SREK1: variants seen among roughly 807,000 people sequenced by gnomAD.
The protein encoded by SREK1 is splicing regulatory glutamic acid and lysine rich protein 1.
Under a neutral mutation model 66.5 loss-of-function variants are expected in SREK1, and 13 were observed. The observed-to-expected ratio is 0.20, with a 90% CI of 0.13 to 0.31. SREK1 has a LOEUF of 0.31. SREK1 is among the 10% of genes least tolerant of loss of function. The pLI is 1.00. For synonymous variants in SREK1, 265 were observed against 263.5 expected (o/e 1.01, Z -0.05); for missense variants, 607 against 769.6 (o/e 0.79, Z 2.50).
intron 9 of SREK1, among the ~76,000 whole-genome samples, chr5:66,171,954 A>G (rs1164090593): frequency 6.6e-6 from 1 of 152,224 alleles, no homozygotes; most frequent in East Asian, 1.9e-4. Flanking sequence ...GAAGTATAGT[A>G]GCCCTTTTCC....
rs1746453568 is a variant in SREK1, at chr5:66,181,167, C to CT, written c.*2300dup. 6.6e-6 allele frequency: 1 copy of CT among 152,108 alleles called. No homozygotes were observed. Among genetic ancestry groups the CT allele is most frequent in the African/African-American group, 2.4e-5 (1 of 41,436 alleles). The allele number at this position is 152,108 out of a possible 1,614,324, so 9.4% of individuals were successfully genotyped here. ...ATCTTGAAACACTGATTTGTAAAAA[C>CT]TAAGAATGAGTAGGAATACAAGAGA... On this transcript the variant is annotated 3_prime_UTR_variant, in exon 12 of 12. Coordinates refer to ENST00000334121, the MANE Select transcript of SREK1 (RefSeq NM_001077199.3).
chr5:66,172,529 G>A (rs1018182127), intron 9 of SREK1, among the ~76,000 whole-genome samples: 7 of 152,080 alleles, frequency 4.6e-5, no homozygotes, highest in Non-Finnish European at 1.0e-4. Context: ...CCGAGTAGCT[G>A]GGATTACAGG....
chr5:66,145,020 C>CT, intron 1 of SREK1: 3 of 986,566 alleles, frequency 3.0e-6, no homozygotes, highest in Non-Finnish European at 3.6e-6. Context: ...CAAGATGGAA[C>CT]TGGGGCTGTG....
chr5:66,164,526 ATGT>A (rs972150273), intron 6 of SREK1: 24 of 1,319,658 alleles, frequency 1.8e-5, no homozygotes, highest in African/African-American at 1.2e-4. Flanking sequence ...AATTACAGAC[ATGT>A]TGTAATCGTA....
chr5:66,164,068 A>C, intron 6 of SREK1, 146 bp downstream of exon 6: 107 of 953,916 alleles, frequency 1.1e-4, no homozygotes, highest in Non-Finnish European at 1.5e-4. Flanking sequence ...TAGCATACTC[A>C]TGTCAAAGAA....
At chr5:66,159,756 G>A (rs1448499894) in intron 3 of SREK1, among the ~76,000 whole-genome samples, 1 of 152,144 alleles carries the variant, frequency 6.6e-6, no homozygotes, top group East Asian at 1.9e-4. Flanking sequence ...TGAAAACATG[G>A]CAAAATATTT....
chr5:66,156,987 T>C (rs1195504515), intron 2 of SREK1: 3 of 985,142 alleles, frequency 3.0e-6, no homozygotes, highest in Non-Finnish European at 3.6e-6. Context: ...GTTTTATACT[T>C]TTATAAGCTC....
At chr5:66,156,745 A>G in intron 2 of SREK1, 3 of 985,338 alleles carry the variant, frequency 3.0e-6, no homozygotes, top group South Asian at 9.4e-5. Flanking sequence ...TTATCATATA[A>G]CTTATTTCCT....
chr5:66,159,032 TTTTA>T, intron 2 of SREK1, 183 bp from the exon 3 acceptor site: 1 of 1,420,198 alleles, frequency 7.0e-7, no homozygotes, highest in South Asian at 1.5e-5. Context: ...TTTTGCTCAC[TTTTA>T]TTTTTCCTAG....
chr5:66,157,044 G>A (rs1744346365), intron 2 of SREK1: 1 of 984,370 alleles, frequency 1.0e-6, no homozygotes. Context: ...TGGAAATTAA[G>A]CAATGGAGCT....
chr5:66,163,795 A>G lies in SREK1; in HGVS notation c.759A>G (p.Ile253Met), dbSNP rs1051146420. 6.2e-7 allele frequency: 1 copy of G among 1,610,210 alleles called. No individual in the cohort carries two copies. The highest frequency in any genetic ancestry group is 8.5e-7 in the Non-Finnish European group (1 of 1,178,446). Residue 253 changes from isoleucine to methionine, a missense_variant, in exon 6 of 12, where the codon ATA (isoleucine) becomes ATG (methionine). Physicochemically the swap from Ile to Met is conservative, Grantham distance 10. This residue lies in a region of SREK1 where 112 missense variants were observed against 168.6 expected (regional missense o/e 0.66). Coordinates refer to ENST00000334121, the MANE Select transcript of SREK1 (RefSeq NM_001077199.3). ...GVMFGDRPLK[I>M]NHSNNAIVKP... is the part of the protein sequence containing the mutation. ...TATGCTAATATTTTTAATTTAGAAT[A>G]AATCACTCCAACAATGCAATAGTAA... is the stretch of plus-strand genomic sequence containing the variant.
chr5:66,177,642 A>G lies in SREK1; in HGVS notation c.1709A>G (p.Asn570Ser), dbSNP rs1746167701. 1 of 1,597,294 alleles carries G rather than the reference A, an allele frequency of 6.3e-7. No homozygotes were observed. The highest frequency in any genetic ancestry group is 8.5e-7 in the Non-Finnish European group (1 of 1,174,742). The change falls in exon 11 of 12, where the codon AAC becomes AGC. Residue 570 changes from asparagine (N) to serine (S), a missense_variant. Physicochemically the swap from Asn to Ser is conservative, Grantham distance 46. This residue lies in a region of SREK1 where 318 missense variants were observed against 310.3 expected (regional missense o/e 1.02). Coordinates refer to ENST00000334121, the MANE Select transcript of SREK1 (RefSeq NM_001077199.3). Reference protein sequence around the residue: ...DRDGKEKLEKNSTSLKEKEHN... With the variant: ...DRDGKEKLEKSSTSLKEKEHN... Reference sequence around the variant, plus strand: ...GATGGGAAGGAGAAGTTGGAGAAGAACAGTACTTCACTTAAAGTAAGCAGC... The same window carrying G: ...GATGGGAAGGAGAAGTTGGAGAAGAGCAGTACTTCACTTAAAGTAAGCAGC...
At chr5:66,156,580 T>C (rs975417025) in intron 2 of SREK1, 1 of 985,014 alleles carries the variant, frequency 1.0e-6, no homozygotes, top group African/African-American at 1.8e-5. Flanking sequence ...TTTTTCTAGT[T>C]TTTTTCCCCC....
chr5:66,166,448 A>G (rs1265082877), intron 7 of SREK1: 1 of 152,052 alleles, frequency 6.6e-6, no homozygotes, highest in Non-Finnish European at 1.5e-5. Context: ...TCTGCGTAGC[A>G]TTAGAAATAA....
At position 66,162,548 on chromosome 5, in the gene SREK1, G is replaced by C. The variant is rs1467229022; in HGVS notation, c.711G>C (p.Arg237Ser). ...TTGCAGACCAAAATTCTGTACCAAG[G>C]GCCCTTGCTTTTAATGGAGTTATGT... Reference protein sequence around the residue: ...VEFADQNSVPRALAFNGVMFG... With the variant: ...VEFADQNSVPSALAFNGVMFG... The change falls in exon 5 of 12, where the codon AGG becomes AGC. Residue 237 changes from arginine to serine, a missense_variant. By Grantham distance (110) the Arg-to-Ser change is moderately radical (BLOSUM62 -1). This residue lies in a region of SREK1 where 112 missense variants were observed against 168.6 expected (regional missense o/e 0.66). Coordinates refer to ENST00000334121, the MANE Select transcript of SREK1 (RefSeq NM_001077199.3). 1 of 1,613,866 alleles carries C rather than the reference G, an allele frequency of 6.2e-7. No homozygotes were observed. The highest frequency in any genetic ancestry group is 1.1e-5 in the South Asian group (1 of 91,002).
intron 7 of SREK1, chr5:66,167,831 A>G (rs2112059505): frequency 6.6e-6 from 1 of 152,344 alleles, no homozygotes; most frequent in South Asian, 2.1e-4. Flanking sequence ...TAGCAAGGAC[A>G]ACTTAAAACA....
rs1431295686 is a variant in SREK1, at chr5:66,179,643, CTTA to C, written c.*780_*782del. On this transcript the variant is annotated 3_prime_UTR_variant, in exon 12 of 12. Transcript: ENST00000334121. ...TTTAAATTTTCTTGACATTTCCAAG[CTTA>C]TTATGAATAATATTGCAGTGTGTCT... 6.6e-6 allele frequency: 1 copy of C among 152,454 alleles called. No individual in the cohort carries two copies. Among genetic ancestry groups the C allele is most frequent in the Non-Finnish European group, 1.5e-5 (1 of 67,952 alleles). The allele number at this position is 152,454 out of a possible 1,614,324, so 9.4% of individuals were successfully genotyped here.
intron 2 of SREK1, chr5:66,158,077 C>T: frequency 6.7e-6 from 1 of 148,728 alleles, no homozygotes; most frequent in East Asian, 2.0e-4. Flanking sequence ...GAGTGTTCTT[C>T]TAAATATATC....
At chr5:66,156,316 A>G in intron 2 of SREK1, 4 of 1,303,776 alleles carry the variant, frequency 3.1e-6, no homozygotes, top group Non-Finnish European at 3.9e-6. Flanking sequence ...TTAACTTGTG[A>G]GCTGGTTTTC....
Sources: allele counts gnomAD v4.1 joint callset (sites outside exome capture counted in the v4.1 genomes callset), GRCh38; gene constraint gnomAD v4.1.1; regional missense constraint gnomAD v4.1.1; transcripts MANE v1.5; gene names NCBI Gene and HGNC (gene_info 2026-07-23, HGNC 2026-07-21).